The following TMEM212 variants were observed in gnomAD, a reference collection of about 807,000 sequenced individuals.
The protein encoded by TMEM212 is transmembrane protein 212.
TMEM212 carries 23 observed loss-of-function variants against 20.5 expected under a neutral mutation model. That is an observed-to-expected ratio of 1.12 (90% CI 0.81 to 1.59). The LOEUF (loss-of-function observed/expected upper bound fraction) is 1.59, where lower values mean the gene tolerates loss of function less well. Among genes scored for constraint, TMEM212 ranks in the 40% most tolerant of loss-of-function variants. The pLI is 0.00. For synonymous variants in TMEM212, 76 were observed against 81.6 expected, an observed-to-expected ratio of 0.93 and a Z score of 0.37; for missense variants, 211 against 215.0, an observed-to-expected ratio of 0.98 and a Z score of 0.12.
At chr3:171,849,634 T>C (rs1276786128) in intron 1 of TMEM212, among the ~76,000 whole-genome samples, 2 of 152,238 alleles carry the variant, frequency 1.3e-5, no homozygotes, top group Admixed American at 1.3e-4. Flanking sequence ...AGTAGACTCA[T>C]AACAGATGCT....
intron 1 of TMEM212, among the ~76,000 whole-genome samples, chr3:171,845,940 T>G (rs1724821920): frequency 6.6e-6 from 1 of 152,234 alleles, no homozygotes; most frequent in South Asian, 2.1e-4. Context: ...CTTCAAATGC[T>G]AGTTAATACT....
At chr3:171,853,413 T>A in intron 2 of TMEM212, 114 bp from the exon 3 acceptor site, 10 of 834,794 alleles carry the variant, frequency 1.2e-5, no homozygotes, top group Non-Finnish European at 1.6e-5. Flanking sequence ...TTCTCCCTCA[T>A]TTTCCAATAG....
intron 1 of TMEM212, among the ~76,000 whole-genome samples, chr3:171,844,100 T>G (rs965961045): frequency 1.3e-5 from 2 of 152,198 alleles, no homozygotes; most frequent in Non-Finnish European, 2.9e-5. Flanking sequence ...TAATTCAAGA[T>G]GGACTTCACA....
chr3:171,844,702 T>C (rs889862408), intron 1 of TMEM212, among the ~76,000 whole-genome samples: 5 of 152,176 alleles, frequency 3.3e-5, no homozygotes. Flanking sequence ...CAAGACTCCA[T>C]CTCAAAACAA....
intron 1 of TMEM212, among the ~76,000 whole-genome samples, chr3:171,846,812 G>T (rs2108378456): frequency 6.6e-6 from 1 of 152,250 alleles, no homozygotes; most frequent in African/African-American, 2.4e-5. Context: ...TCTGATCAGG[G>T]TGAACTTCAA....
chr3:171,851,950 T>C (rs1724986636), intron 1 of TMEM212, 32 bp from the exon 2 acceptor site: 1 of 1,531,242 alleles, frequency 6.5e-7, no homozygotes, highest in African/African-American at 1.4e-5. Flanking sequence ...CCTTCTGTGG[T>C]GGATGTTTAT....
intron 3 of TMEM212, among the ~76,000 whole-genome samples, chr3:171,855,498 A>C (rs1013755159): frequency 6.6e-6 from 1 of 152,150 alleles, no homozygotes; most frequent in Non-Finnish European, 1.5e-5. Flanking sequence ...ATTAATTAAA[A>C]AACAATTATT....
Position 171,858,075 on chromosome 3 carries a change from A to G in TMEM212, c.*18A>G, listed in dbSNP as rs1269390022. The G allele has an allele frequency of 6.6e-6, 1 of 152,160 alleles. No individual in the cohort carries two copies. Among genetic ancestry groups the G allele is most frequent in the Non-Finnish European group, 1.5e-5 (1 of 68,054 alleles). The allele number at this position is 152,160 out of a possible 1,614,324, so 9.4% of individuals were successfully genotyped here. ...TTTCTTCACAGAATTGGAAAAAACT[A>G]AAGTTCATATGGGACCAAAAAAGAG... is the stretch of plus-strand genomic sequence containing the variant. On this transcript the variant is annotated 3_prime_UTR_variant, in exon 5 of 5. Coordinates refer to ENST00000334567, the MANE Select transcript of TMEM212 (RefSeq NM_001164436.2).
At chr3:171,843,749 C>T (rs1724767316) in intron 1 of TMEM212, among the ~76,000 whole-genome samples, 2 of 152,010 alleles carry the variant, frequency 1.3e-5, no homozygotes, top group Admixed American at 1.3e-4. Context: ...ATCATGTATA[C>T]ATGTATATTA....
At chr3:171,857,870 C>T (rs1725155108) in intron 4 of TMEM212, among the ~76,000 whole-genome samples, 191 bp from the exon 5 acceptor site, 1 of 151,374 alleles carries the variant, frequency 6.6e-6, no homozygotes, top group African/African-American at 2.5e-5. Context: ...GTTAAAATGA[C>T]TATTATCAAC....
intron 1 of TMEM212, among the ~76,000 whole-genome samples, chr3:171,845,213 A>G (rs2108377757): frequency 6.6e-6 from 1 of 152,310 alleles, no homozygotes; most frequent in Middle Eastern, 3.4e-3. Flanking sequence ...CAGAGTCAGA[A>G]AAATATTTTA....
chr3:171,853,462 A>G (rs1395274936), intron 2 of TMEM212, 65 bp from the exon 3 acceptor site: 28 of 1,374,544 alleles, frequency 2.0e-5, no homozygotes, highest in Non-Finnish European at 2.5e-5. Flanking sequence ...TTTTCTTCAT[A>G]TTGCTAAGAA....
At chr3:171,846,755 A>C (rs778455025) in intron 1 of TMEM212, among the ~76,000 whole-genome samples, 2 of 152,222 alleles carry the variant, frequency 1.3e-5, no homozygotes, top group African/African-American at 4.8e-5. Context: ...ATTTGGACGA[A>C]CGTTATGTTT....
Position 171,858,861 on chromosome 3 carries a change from T to C in TMEM212, c.*804T>C, listed in dbSNP as rs1334980364. The stretch of plus-strand genomic sequence containing the variant: ...AAGACACATGCACACGTATGTTTAT[T>C]GCGGCACTATTCACAATAGTAAAGA... On this transcript the variant is annotated 3_prime_UTR_variant, in exon 5 of 5. Transcript: ENST00000334567. The C allele has an allele frequency of 6.6e-6, 1 of 152,196 alleles. No individual in the cohort carries two copies. The highest frequency in any genetic ancestry group is 2.4e-5 in the African/African-American group (1 of 41,442). 9.4% of individuals were successfully genotyped at this position (152,196 alleles called of 1,614,324 possible).
chr3:171,851,935 A>G (rs1259022669), intron 1 of TMEM212, 47 bp from the exon 2 acceptor site: 1 of 1,493,072 alleles, frequency 6.7e-7, no homozygotes, highest in Admixed American at 2.0e-5. Context: ...CTCTTTCCAG[A>G]GGTACCTTCT....
At chr3:171,844,575 A>G (rs927025154) in intron 1 of TMEM212, among the ~76,000 whole-genome samples, 15 of 152,104 alleles carry the variant, frequency 9.9e-5, no homozygotes, top group Admixed American at 8.5e-4. Context: ...GCGTGGTGGC[A>G]TGCACCTGTA....
chr3:171,849,804 A>C (rs1724928847), intron 1 of TMEM212, among the ~76,000 whole-genome samples: 1 of 152,180 alleles, frequency 6.6e-6, no homozygotes, highest in Admixed American at 6.5e-5. Context: ...TGATCATGCA[A>C]TCAAAGTGTT....
intron 3 of TMEM212, 83 bp downstream of exon 3, chr3:171,853,933 TTC>T: frequency 9.5e-7 from 1 of 1,057,186 alleles, no homozygotes; most frequent in Non-Finnish European, 1.3e-6. Context: ...CAGTTGATCT[TTC>T]TCTGTTATTT....
chr3:171,850,831 GTGTC>G (rs1267922294), intron 1 of TMEM212, among the ~76,000 whole-genome samples: 2 of 152,286 alleles, frequency 1.3e-5, no homozygotes, highest in African/African-American at 2.4e-5. Context: ...TGAGAAGTGT[GTGTC>G]TGTGTGTGTG....
Sources: gnomAD v4.1 joint callset for allele counts (sites outside exome capture counted in the v4.1 genomes callset) on GRCh38, gnomAD v4.1.1 for gene constraint, MANE v1.5 for transcripts, NCBI Gene and HGNC (gene_info 2026-07-23, HGNC 2026-07-21) for gene names.